AGBL1: variants seen among roughly 807,000 people sequenced by gnomAD.
AGBL1 encodes the protein AGBL carboxypeptidase 1, also known as cytosolic carboxypeptidase 4.
AGBL1 carries 130 observed loss-of-function variants against 118.9 expected under a neutral mutation model. That is an observed-to-expected ratio of 1.09 (90% CI 0.95 to 1.26). The LOEUF is 1.26. Ranked by LOEUF, AGBL1 falls within the 50% of genes most tolerant of loss-of-function variation. The pLI is 0.00. For synonymous variants in AGBL1, 555 were observed against 478.9 expected (o/e 1.16, Z -2.08); for missense variants, 1,584 against 1,298.1 (o/e 1.22, Z -3.38).
intron 5 of AGBL1, among the ~76,000 whole-genome samples, chr15:86,178,952 T>C (rs988950480): frequency 1.2e-4 from 19 of 152,210 alleles, no homozygotes; most frequent in African/African-American, 4.6e-4. Context: ...GAAATTGACA[T>C]GGGGCCAAAG....
At chr15:86,662,512 G>C (rs1403417362) in intron 21 of AGBL1, among the ~76,000 whole-genome samples, 1 of 152,212 alleles carries the variant, frequency 6.6e-6, no homozygotes, top group Admixed American at 6.5e-5. Flanking sequence ...ACTTAAAGTA[G>C]AGAGATCTTG....
chr15:86,533,243 A>G (rs1410978620), intron 19 of AGBL1, among the ~76,000 whole-genome samples: 1 of 95,128 alleles, frequency 1.1e-5, no homozygotes, highest in Admixed American at 8.9e-5. Context: ...AGAATCTACA[A>G]TGAACTCAAA....
chr15:86,364,596 C>G (rs1008726254), intron 17 of AGBL1, among the ~76,000 whole-genome samples: 3 of 152,090 alleles, frequency 2.0e-5, no homozygotes, highest in Admixed American at 2.0e-4. Flanking sequence ...CCTACAGACT[C>G]TTTACTGACC....
intron 24 of AGBL1, among the ~76,000 whole-genome samples, chr15:87,017,246 C>G (rs982864926): frequency 6.6e-6 from 1 of 152,124 alleles, no homozygotes; most frequent in African/African-American, 2.4e-5. Context: ...GAGGAAGGGT[C>G]CCCCACAACA....
chr15:86,565,834 G>A (rs1000317853), intron 21 of AGBL1, among the ~76,000 whole-genome samples: 1 of 152,188 alleles, frequency 6.6e-6, no homozygotes, highest in African/African-American at 2.4e-5. Context: ...GCAATGGTGG[G>A]TGCCCCTCCC....
chr15:86,252,843 C>T (rs1359882771), intron 7 of AGBL1, among the ~76,000 whole-genome samples: 1 of 152,186 alleles, frequency 6.6e-6, no homozygotes, highest in East Asian at 1.9e-4. Context: ...GATATCAAGC[C>T]ATTTCCATTT....
intron 22 of AGBL1, among the ~76,000 whole-genome samples, chr15:86,766,085 C>T (rs2078093268): frequency 1.3e-5 from 2 of 151,928 alleles, no homozygotes; most frequent in Admixed American, 6.6e-5. Flanking sequence ...CCTGCATTCA[C>T]TCAACTCTCA....
rs201498756 is a variant in AGBL1, at chr15:86,178,808, C to CT, written c.488+19788dup. Among the ~76,000 whole-genome samples the CT allele has an allele frequency of 9.1e-3, 1,388 of 152,282 alleles. 20 individuals carry two copies. The highest frequency in any genetic ancestry group is 0.032 in the African/African-American group (1,335 of 41,546). ...AGGAAAACTTCCAACCAATATCTCT[C>CT]TTTTTTAAAATATTCATACAATGGA... is the stretch of plus-strand genomic sequence containing the variant. On this transcript the variant is annotated intron_variant, in intron 5 of 22. Coordinates refer to ENST00000614907, the MANE Select transcript of AGBL1 (RefSeq NM_001386094.1).
At chr15:86,577,418 G>A (rs1288729355) in intron 21 of AGBL1, among the ~76,000 whole-genome samples, 4 of 152,152 alleles carry the variant, frequency 2.6e-5, no homozygotes, top group African/African-American at 7.2e-5. Flanking sequence ...TTTTAAAAGG[G>A]AAACAGAGCA....
chr15:86,379,150 T>C (rs2081078948), intron 17 of AGBL1, among the ~76,000 whole-genome samples: 1 of 151,940 alleles, frequency 6.6e-6, no homozygotes, highest in South Asian at 2.1e-4. Context: ...TCACTTCTGA[T>C]GATCCACCTG....
intron 21 of AGBL1, among the ~76,000 whole-genome samples, chr15:86,597,110 ATCTG>A (rs67468658): frequency 0.23 from 35,238 of 151,202 alleles, 4,149 homozygotes; most frequent in Middle Eastern, 0.31. Flanking sequence ...TGATCTATTG[ATCTG>A]TCTATCTAAT....
chr15:86,469,483 C>G (rs955214124), intron 18 of AGBL1, among the ~76,000 whole-genome samples: 2 of 152,110 alleles, frequency 1.3e-5, no homozygotes, highest in East Asian at 1.9e-4. Flanking sequence ...ATTCATCTCT[C>G]CATGGACACT....
chr15:86,451,230 T>G (rs920613548), intron 18 of AGBL1, among the ~76,000 whole-genome samples: 9 of 152,222 alleles, frequency 5.9e-5, no homozygotes, highest in African/African-American at 2.2e-4. Context: ...GGGCCTCCCA[T>G]TGCCTTTGCT....
intron 11 of AGBL1, among the ~76,000 whole-genome samples, chr15:86,265,121 C>T (rs1393581317): frequency 4.6e-5 from 7 of 152,190 alleles, no homozygotes; most frequent in Admixed American, 4.6e-4. Context: ...ACCACTATCA[C>T]AAAGAAAGAT....
chr15:86,712,822 G>A (rs1450242700), intron 22 of AGBL1, among the ~76,000 whole-genome samples: 1 of 152,194 alleles, frequency 6.6e-6, no homozygotes, highest in Non-Finnish European at 1.5e-5. Context: ...AGTGAAGATA[G>A]CAGCAAGGGC....
In AGBL1 at chr15:86,561,256, A is replaced by C. The variant is rs1475045505; in HGVS notation, c.2994+6719A>C. Among the ~76,000 whole-genome samples, 3 of 151,980 alleles carry C rather than the reference A, an allele frequency of 2.0e-5. 1 individual carries two copies. Among genetic ancestry groups the C allele is most frequent in the Admixed American group, 2.0e-4 (3 of 15,240 alleles). ...TATTGCCTAGGTCCTGAATGGTATC[A>C]CCTAGGTTTTCTTCTAGGGTTTTTA... On this transcript the variant is annotated intron_variant, in intron 21 of 22. Coordinates refer to ENST00000614907, the MANE Select transcript of AGBL1 (RefSeq NM_001386094.1).
chr15:86,350,514 G>A (rs988473381), intron 17 of AGBL1, among the ~76,000 whole-genome samples: 6 of 152,152 alleles, frequency 3.9e-5, no homozygotes, highest in Non-Finnish European at 5.9e-5. Context: ...TTTCTGACCC[G>A]CCTTTGCTGT....
chr15:86,691,825 T>C (rs1292533640), intron 22 of AGBL1, among the ~76,000 whole-genome samples: 1 of 152,120 alleles, frequency 6.6e-6, no homozygotes, highest in African/African-American at 2.4e-5. Context: ...CAACTTATCT[T>C]TTCTACACAA....
chr15:86,142,152 G>T, intron 2 of AGBL1, 85 bp downstream of exon 2: 1 of 1,390,576 alleles, frequency 7.2e-7, no homozygotes. Context: ...CTGTGACCTG[G>T]GGGTTTGCTC....
Sources: gnomAD v4.1 joint callset for allele counts (sites outside exome capture counted in the v4.1 genomes callset) on GRCh38, gnomAD v4.1.1 for gene constraint, MANE v1.5 for transcripts, NCBI Gene and HGNC (gene_info 2026-07-23, HGNC 2026-07-21) for gene names.